Variants in KIAA1217 observed in about 807,000 individuals in gnomAD.
KIAA1217 encodes the protein sickle tail protein homolog.
A neutral mutation model predicts 163.9 loss-of-function variants in KIAA1217; 88 were observed. The ratio of observed to expected loss-of-function variants is 0.54; its 90% CI spans 0.45 to 0.64. KIAA1217 has a LOEUF of 0.64. Ranked by LOEUF, KIAA1217 falls within the 30% of genes least tolerant of loss-of-function variation. The probability of loss-of-function intolerance (pLI) is 0.00; values close to 1 mark genes in which losing one functional copy is unlikely to be tolerated. For synonymous variants in KIAA1217, 903 were observed against 923.1 expected (o/e 0.98, Z 0.39); for missense variants, 2,372 against 2,475.0 (o/e 0.96, Z 0.88).
intron 1 of KIAA1217, among the ~76,000 whole-genome samples, chr10:23,996,544 C>T (rs1387238022): frequency 6.6e-6 from 1 of 151,948 alleles, no homozygotes; most frequent in Non-Finnish European, 1.5e-5. Flanking sequence ...TAAATGTTCG[C>T]TGAAAGAATG....
intron 2 of KIAA1217, among the ~76,000 whole-genome samples, chr10:24,104,603 T>G (rs887515733): frequency 1.3e-5 from 2 of 152,312 alleles, no homozygotes; most frequent in South Asian, 4.1e-4. Context: ...CAGGTAATCA[T>G]ACATTTGTCA....
chr10:24,031,434 G>A (rs903960818), intron 2 of KIAA1217, among the ~76,000 whole-genome samples: 7 of 152,112 alleles, frequency 4.6e-5, no homozygotes, highest in African/African-American at 7.2e-5. Context: ...CCGAGTAGCC[G>A]GAACCGCAGC....
chr10:24,245,908 G>C (rs1255821847), intron 2 of KIAA1217, among the ~76,000 whole-genome samples: 1 of 151,902 alleles, frequency 6.6e-6, no homozygotes, highest in Non-Finnish European at 1.5e-5. Context: ...CAAAAGTTTA[G>C]ATCAAAGGTG....
At chr10:24,519,475 C>T (rs529622224) in intron 10 of KIAA1217, among the ~76,000 whole-genome samples, 1 of 152,174 alleles carries the variant, frequency 6.6e-6, no homozygotes, top group African/African-American at 2.4e-5. Flanking sequence ...ACCAGAGGTT[C>T]TCATTTAGGG....
chr10:24,349,947 T>C (rs182309594), intron 2 of KIAA1217, among the ~76,000 whole-genome samples: 16 of 152,080 alleles, frequency 1.1e-4, no homozygotes, highest in African/African-American at 3.4e-4. Context: ...GGGAATGACG[T>C]TGGATGGAGG....
intron 2 of KIAA1217, among the ~76,000 whole-genome samples, chr10:24,365,654 A>G (rs1024515241): frequency 4.6e-5 from 7 of 152,062 alleles, no homozygotes; most frequent in African/African-American, 1.2e-4. Flanking sequence ...TGTTTTTCTA[A>G]TAGTGTCACT....
At chr10:23,719,448 G>T (rs1837744855) in intron 1 of KIAA1217, among the ~76,000 whole-genome samples, 1 of 152,086 alleles carries the variant, frequency 6.6e-6, no homozygotes, top group Non-Finnish European at 1.5e-5. Context: ...AGGTGTGGTG[G>T]CACACACCTA....
rs533056723 is a variant in KIAA1217 at position 23,871,209 on chromosome 10, C to A, written c.-320-136016C>A. Among the ~76,000 whole-genome samples, 88 of 152,094 alleles carry A rather than the reference C, an allele frequency of 5.8e-4. 1 individual carries two copies. Among genetic ancestry groups the A allele is most frequent in the Non-Finnish European group, 1.0e-3 (69 of 67,970 alleles). On this transcript the variant is annotated intron_variant, in intron 1 of 18. Coordinates refer to the KIAA1217 transcript ENST00000376462. ...CCTTTCCTAGTCACTTGATTACTGTCATTGTAGTTTTGCCAAGCTCTAGGC... is the reference window on the plus strand; with the variant it reads ...CCTTTCCTAGTCACTTGATTACTGTAATTGTAGTTTTGCCAAGCTCTAGGC...
At chr10:24,325,141 CG>C (rs935713176) in intron 2 of KIAA1217, among the ~76,000 whole-genome samples, 1 of 152,166 alleles carries the variant, frequency 6.6e-6, no homozygotes, top group Non-Finnish European at 1.5e-5. Context: ...CACAAAAACT[CG>C]GGTTTCTGAC....
intron 1 of KIAA1217, among the ~76,000 whole-genome samples, chr10:23,891,689 T>G (rs985698086): frequency 6.6e-6 from 1 of 152,004 alleles, no homozygotes; most frequent in Non-Finnish European, 1.5e-5. Context: ...GATTTTTTTC[T>G]CCCTAACAAC....
At chr10:23,937,356 G>A (rs1843575516) in intron 1 of KIAA1217, among the ~76,000 whole-genome samples, 1 of 152,108 alleles carries the variant, frequency 6.6e-6, no homozygotes, top group Non-Finnish European at 1.5e-5. Context: ...TGGCTGCTTG[G>A]TGGCACACTG....
intron 2 of KIAA1217, among the ~76,000 whole-genome samples, chr10:24,326,918 CAG>C (rs1309262806): frequency 6.6e-6 from 1 of 152,108 alleles, no homozygotes; most frequent in East Asian, 1.9e-4. Flanking sequence ...ATAATTTAAG[CAG>C]AGAGAGGTGG....
At chr10:24,378,602 G>T (rs148084294) in intron 2 of KIAA1217, among the ~76,000 whole-genome samples, 1 of 151,242 alleles carries the variant, frequency 6.6e-6, no homozygotes, top group South Asian at 2.1e-4. Context: ...TTTTACCCAT[G>T]GTGCCTAGCA....
rs993585501 is a variant in KIAA1217 at position 24,007,224 on chromosome 10, G to T, written c.-320-1G>T. On this transcript the variant is annotated splice_acceptor_variant, in intron 1 of 18. Transcript: ENST00000376462. LOFTEE classifies it low-confidence loss of function (5UTR_SPLICE). Reference sequence around the variant, plus strand: ...ATTCCATTATGACTTGTATTTTACAGACGGAGATCCTGGGGTCCTAAATTT... The same window carrying T: ...ATTCCATTATGACTTGTATTTTACATACGGAGATCCTGGGGTCCTAAATTT... The T allele has an allele frequency of 5.3e-5, 8 of 151,264 alleles. No homozygotes were observed. The allele number at this position is 151,264 out of a possible 1,614,324, so 9.4% of individuals were successfully genotyped here. A position where few individuals can be genotyped will look rare whatever the true frequency, so the allele number is the denominator to read the frequency against.
chr10:24,476,394 C>G (rs1017909536), intron 6 of KIAA1217, among the ~76,000 whole-genome samples: 1 of 152,116 alleles, frequency 6.6e-6, no homozygotes, highest in Non-Finnish European at 1.5e-5. Flanking sequence ...TCTTTGAGAG[C>G]CTCCACTCCC....
chr10:24,068,987 G>A (rs531624816), intron 2 of KIAA1217, among the ~76,000 whole-genome samples: 1 of 152,314 alleles, frequency 6.6e-6, no homozygotes, highest in African/African-American at 2.4e-5. Context: ...TGAGACAGAA[G>A]CCAGTTCCTT....
At chr10:24,545,526 C>T (rs1289567985) in intron 20 of KIAA1217, 1 of 1,314,552 alleles carries the variant, frequency 7.6e-7, no homozygotes. Context: ...CGACCCCCAC[C>T]CCAGTAATTA....
chr10:24,412,313 C>T (rs982203603), intron 3 of KIAA1217, among the ~76,000 whole-genome samples: 1 of 152,078 alleles, frequency 6.6e-6, no homozygotes, highest in Non-Finnish European at 1.5e-5. Context: ...ATTGGATGAC[C>T]TCATGTTTCA....
intron 2 of KIAA1217, among the ~76,000 whole-genome samples, chr10:24,087,782 A>G (rs2061750474): frequency 6.6e-6 from 1 of 152,194 alleles, no homozygotes; most frequent in Admixed American, 6.5e-5. Flanking sequence ...GCTCACAGTG[A>G]CAGACTTCAG....
Sources: allele counts gnomAD v4.1 joint callset (sites outside exome capture counted in the v4.1 genomes callset), GRCh38; gene constraint gnomAD v4.1.1; transcripts MANE v1.5; gene names NCBI Gene and HGNC (gene_info 2026-07-23, HGNC 2026-07-21).